Variants in SUGCT observed in about 807,000 individuals in gnomAD.
SUGCT encodes the protein succinyl-CoA:glutarate CoA-transferase.
A neutral mutation model predicts 55.0 loss-of-function variants in SUGCT; 41 were observed. The observed-to-expected ratio is 0.74, with a 90% confidence interval of 0.58 to 0.97. The LOEUF is 0.97. SUGCT is among the 50% of genes least tolerant of loss of function. SUGCT has a pLI of 0.00. For synonymous variants in SUGCT, 187 were observed against 200.4 expected (o/e 0.93, Z 0.56); for missense variants, 568 against 547.8 (o/e 1.04, Z -0.37).
intron 12 of SUGCT, among the ~76,000 whole-genome samples, chr7:40,731,731 A>G (rs542480084): frequency 5.3e-5 from 8 of 152,342 alleles, no homozygotes; most frequent in Admixed American, 3.9e-4. Flanking sequence ...TTCCTAAGTT[A>G]TTGAGAGTGG....
chr7:40,736,278 A>T (rs1402082866), intron 12 of SUGCT, among the ~76,000 whole-genome samples: 1 of 103,858 alleles, frequency 9.6e-6, no homozygotes, highest in African/African-American at 5.5e-5. Context: ...TATAATATAT[A>T]ATATATTATA....
chr7:40,236,763 G>A (rs1235489498), intron 6 of SUGCT, among the ~76,000 whole-genome samples: 1 of 152,108 alleles, frequency 6.6e-6, no homozygotes, highest in Non-Finnish European at 1.5e-5. Flanking sequence ...TATGCCCTAT[G>A]TAGAGGGGAG....
intron 13 of SUGCT, among the ~76,000 whole-genome samples, chr7:40,824,886 T>C (rs944381580): frequency 1.3e-5 from 2 of 152,192 alleles, no homozygotes; most frequent in Non-Finnish European, 2.9e-5. Context: ...CACCTCCCAA[T>C]ACCATCACAA....
At chr7:40,466,104 C>T (rs540750822) in intron 11 of SUGCT, among the ~76,000 whole-genome samples, 5 of 151,940 alleles carry the variant, frequency 3.3e-5, no homozygotes, top group Admixed American at 2.6e-4. Context: ...GTGGGGTTTC[C>T]CTATGTTGCT....
chr7:40,624,681 T>C (rs1348299604), intron 12 of SUGCT, among the ~76,000 whole-genome samples: 2 of 151,986 alleles, frequency 1.3e-5, no homozygotes, highest in East Asian at 3.9e-4. Context: ...GTAGAACTGC[T>C]CTTTGGATAA....
chr7:40,257,510 A>G (rs1386665963), intron 7 of SUGCT, among the ~76,000 whole-genome samples: 2 of 152,222 alleles, frequency 1.3e-5, no homozygotes, highest in Admixed American at 6.5e-5. Context: ...GCTTCTTTTT[A>G]AAAAGTAAAC....
At chr7:40,527,648 G>A (rs1356992389) in intron 12 of SUGCT, among the ~76,000 whole-genome samples, 2 of 152,066 alleles carry the variant, frequency 1.3e-5, no homozygotes, top group East Asian at 1.9e-4. Context: ...CATTCATGAG[G>A]GTATGTAGTC....
intron 13 of SUGCT, among the ~76,000 whole-genome samples, chr7:40,800,635 A>G (rs1031242330): frequency 2.0e-5 from 3 of 152,076 alleles, no homozygotes; most frequent in Non-Finnish European, 4.4e-5. Context: ...TGGATACCAC[A>G]GAAAGAAGAT....
the SUGCT span, among the ~76,000 whole-genome samples, chr7:41,011,126 A>G: frequency 1.0e-3 from 152 of 152,294 alleles, no homozygotes; most frequent in Middle Eastern, 6.8e-3. Context: ...TGACAGTTCT[A>G]TAAGAACACT....
At chr7:40,975,379 C>T in the SUGCT span, among the ~76,000 whole-genome samples, 22 of 152,062 alleles carry the variant, frequency 1.4e-4, no homozygotes, top group Non-Finnish European at 2.5e-4. Context: ...CATTTAAGTC[C>T]GTTTCATGAT....
chr7:40,215,211 T>A (rs986547781), intron 6 of SUGCT, among the ~76,000 whole-genome samples: 1 of 152,148 alleles, frequency 6.6e-6, no homozygotes, highest in Non-Finnish European at 1.5e-5. Flanking sequence ...GGAGCGATTA[T>A]GACTCACTGC....
intron 7 of SUGCT, among the ~76,000 whole-genome samples, chr7:40,249,312 G>GCTATCTATAT (rs1421104147): frequency 9.0e-5 from 2 of 22,206 alleles, no homozygotes; most frequent in Admixed American, 5.8e-4. Flanking sequence ...ACACCAAAAA[G>GCTATCTATAT]CTATATATAT....
chr7:40,626,798 A>G (rs541109238), intron 12 of SUGCT, among the ~76,000 whole-genome samples: 1 of 152,250 alleles, frequency 6.6e-6, no homozygotes, highest in African/African-American at 2.4e-5. Flanking sequence ...ATTTCTGTAT[A>G]ACATGCACAA....
chr7:40,536,964 G>A (rs1402478421), intron 12 of SUGCT, among the ~76,000 whole-genome samples: 7 of 152,250 alleles, frequency 4.6e-5, no homozygotes, highest in Admixed American at 3.9e-4. Context: ...AATGAACACC[G>A]AAATATTAGG....
the SUGCT span, among the ~76,000 whole-genome samples, chr7:40,932,785 G>A: frequency 2.1e-5 from 3 of 145,048 alleles, no homozygotes; most frequent in Non-Finnish European, 4.5e-5. Context: ...CATTTGCTTG[G>A]TAGATCTTCC....
intron 12 of SUGCT, among the ~76,000 whole-genome samples, chr7:40,603,854 T>C (rs956369771): frequency 1.3e-5 from 2 of 152,226 alleles, no homozygotes; most frequent in African/African-American, 4.8e-5. Flanking sequence ...AGAATGATCT[T>C]CCCAACATGC....
At chr7:40,898,603 A>G in the SUGCT span, among the ~76,000 whole-genome samples, 2 of 151,212 alleles carry the variant, frequency 1.3e-5, no homozygotes, top group East Asian at 2.0e-4. Context: ...GGGCGCTTGT[A>G]GTCCTAGCTA....
chr7:40,668,574 A>C (rs549001706), intron 12 of SUGCT, among the ~76,000 whole-genome samples: 1 of 152,184 alleles, frequency 6.6e-6, no homozygotes, highest in Non-Finnish European at 1.5e-5. Context: ...TCTAGATATT[A>C]TATATGAAAC....
chr7:40,925,846 C>G, the SUGCT span, among the ~76,000 whole-genome samples: 1 of 152,248 alleles, frequency 6.6e-6, no homozygotes, highest in East Asian at 1.9e-4. Flanking sequence ...GCAATTCCAA[C>G]AATTTGGGAG....
Sources: gnomAD v4.1 joint callset for allele counts (sites outside exome capture counted in the v4.1 genomes callset) on GRCh38, gnomAD v4.1.1 for gene constraint, MANE v1.5 for transcripts, NCBI Gene and HGNC (gene_info 2026-07-23, HGNC 2026-07-21) for gene names.